Variants in SCFD1 observed in about 807,000 individuals in gnomAD.
The protein encoded by SCFD1 is sec1 family domain-containing protein 1.
In SCFD1, 37 loss-of-function variants were observed where a neutral mutation model predicts 103.2. The ratio of observed to expected loss-of-function variants is 0.36; its 90% CI spans 0.28 to 0.47. The LOEUF (loss-of-function observed/expected upper bound fraction) is 0.47. Ranked by LOEUF, SCFD1 falls within the 20% of genes least tolerant of loss-of-function variation. SCFD1 has a pLI of 1.00. For missense variants in SCFD1, 639 were observed against 761.2 expected, an observed-to-expected ratio of 0.84 and a Z score of 1.89; for synonymous variants, 264 against 245.0, an observed-to-expected ratio of 1.08 and a Z score of -0.73.
At chr14:30,655,483 A>G (rs750610511) in intron 10 of SCFD1, among the ~76,000 whole-genome samples, 1 of 152,212 alleles carries the variant, frequency 6.6e-6, no homozygotes, top group Non-Finnish European at 1.5e-5. Context: ...GGGGAACCAC[A>G]TGGGATTCTA....
At chr14:30,683,073 G>A (rs773281691) in intron 14 of SCFD1, 2 of 1,378,240 alleles carry the variant, frequency 1.5e-6, no homozygotes, top group Non-Finnish European at 2.1e-6. Flanking sequence ...GACCTGTTTT[G>A]AGTAGGTTTC....
chr14:30,663,273 T>C (rs1758982868), intron 10 of SCFD1, among the ~76,000 whole-genome samples: 1 of 152,230 alleles, frequency 6.6e-6, no homozygotes, highest in Non-Finnish European at 1.5e-5. Flanking sequence ...GTCATCACCA[T>C]GGAAATAGTA....
intron 16 of SCFD1, among the ~76,000 whole-genome samples, chr14:30,702,064 C>G (rs1891116839): frequency 6.6e-6 from 1 of 152,100 alleles, no homozygotes; most frequent in African/African-American, 2.4e-5. Context: ...TTTAAAAATA[C>G]TGTACTTTTA....
intron 10 of SCFD1, among the ~76,000 whole-genome samples, chr14:30,658,946 C>G (rs548947833): frequency 6.6e-6 from 1 of 152,214 alleles, no homozygotes; most frequent in East Asian, 1.9e-4. Flanking sequence ...CTCATTTAAT[C>G]CAAGCAAATA....
At chr14:30,651,628 A>G (rs1465482138) in intron 9 of SCFD1, among the ~76,000 whole-genome samples, 1 of 150,358 alleles carries the variant, frequency 6.7e-6, no homozygotes, top group African/African-American at 2.5e-5. Flanking sequence ...TTCCCTTTTT[A>G]TAGCTCTCTG....
intron 23 of SCFD1, among the ~76,000 whole-genome samples, chr14:30,726,201 A>T (rs1336380569): frequency 1.5e-5 from 2 of 130,018 alleles, no homozygotes; most frequent in African/African-American, 6.9e-5. Context: ...TATAACTTTT[A>T]AAAAAATTGC....
chr14:30,734,151 A>G (rs1017339489), intron 23 of SCFD1, among the ~76,000 whole-genome samples: 1 of 152,180 alleles, frequency 6.6e-6, no homozygotes, highest in African/African-American at 2.4e-5. Flanking sequence ...TGAATCCTCA[A>G]ATTACTTTGT....
At chr14:30,716,760 TGTAA>T (rs761363595) in intron 20 of SCFD1, among the ~76,000 whole-genome samples, 6 of 152,202 alleles carry the variant, frequency 3.9e-5, no homozygotes, top group Non-Finnish European at 7.3e-5. Context: ...TCACCTTTTT[TGTAA>T]TTGTCAGAAC....
Position 30,713,897 on chromosome 14 carries a change from C to T in SCFD1, c.1630-2027C>T, listed in dbSNP as rs1353447365. Among the ~76,000 whole-genome samples the T allele has an allele frequency of 2.0e-5, 3 of 152,070 alleles. No homozygotes were observed. In the East Asian group the frequency reaches 5.8e-4, roughly 29 times the overall value. Reference sequence around the variant, plus strand: ...ACTTCATTATCTTTTGTTGGTATTACTTGGAATTCCTAACTATAGTTTTCT... The same window carrying T: ...ACTTCATTATCTTTTGTTGGTATTATTTGGAATTCCTAACTATAGTTTTCT... On this transcript the variant is annotated intron_variant, in intron 19 of 24. Coordinates refer to ENST00000458591, the MANE Select transcript of SCFD1 (RefSeq NM_016106.4).
At chr14:30,680,299 G>A (rs145545289) in intron 14 of SCFD1, among the ~76,000 whole-genome samples, 3 of 152,262 alleles carry the variant, frequency 2.0e-5, no homozygotes, top group African/African-American at 4.8e-5. Context: ...GTTCCCCAGA[G>A]AACAGAACTA....
chr14:30,730,113 G>T (rs1893343889), intron 23 of SCFD1, among the ~76,000 whole-genome samples: 1 of 152,100 alleles, frequency 6.6e-6, no homozygotes. Flanking sequence ...GCAGTGTTTG[G>T]TTTTTTGTTC....
intron 6 of SCFD1, among the ~76,000 whole-genome samples, chr14:30,641,556 G>A (rs761274836): frequency 4.6e-5 from 7 of 152,224 alleles, no homozygotes; most frequent in Non-Finnish European, 1.0e-4. Context: ...CAGATCACTT[G>A]TGCCACTGAT....
intron 14 of SCFD1, 21 bp from the exon 15 acceptor site, chr14:30,694,752 C>G (rs754097136): frequency 6.4e-5 from 100 of 1,569,058 alleles, no homozygotes; most frequent in Non-Finnish European, 7.8e-5. Context: ...ATATTCTCAT[C>G]TAATGTTTAT....
At chr14:30,628,449 A>T (rs530609542) in intron 2 of SCFD1, among the ~76,000 whole-genome samples, 170 bp downstream of exon 2, 2 of 152,340 alleles carry the variant, frequency 1.3e-5, no homozygotes, top group African/African-American at 4.8e-5. Flanking sequence ...CAGACATTCT[A>T]TGGAGTGAGA....
chr14:30,656,721 T>C, intron 10 of SCFD1, among the ~76,000 whole-genome samples: 1 of 151,718 alleles, frequency 6.6e-6, no homozygotes, highest in Non-Finnish European at 1.5e-5. Context: ...TCCAGTGGTA[T>C]GAGCTGTGAG....
intron 7 of SCFD1, among the ~76,000 whole-genome samples, chr14:30,648,928 A>G (rs1439340838): frequency 6.7e-6 from 1 of 148,924 alleles, no homozygotes; most frequent in African/African-American, 2.5e-5. Flanking sequence ...TGACTGCACC[A>G]CTACACTCCA....
chr14:30,730,468 C>T (rs1458195365), intron 23 of SCFD1, among the ~76,000 whole-genome samples: 1 of 152,202 alleles, frequency 6.6e-6, no homozygotes, highest in East Asian at 1.9e-4. Context: ...AGTTTACAGT[C>T]CCACCAACAG....
rs560705030 is a variant in SCFD1 at position 30,690,655 on chromosome 14, C to T, written c.1243-4118C>T. On this transcript the variant is annotated intron_variant, in intron 14 of 24. Transcript: ENST00000458591. ...GCGCTTCCCAGGTGAGGCAATGCCT[C>T]GCCCTGCTTCGGCTCGCGCACGGTG... Among the ~76,000 whole-genome samples, 18 of 147,266 alleles carry T rather than the reference C, an allele frequency of 1.2e-4. No homozygotes were observed. In the East Asian group the frequency reaches 2.9e-3, roughly 23 times the overall value.
intron 7 of SCFD1, among the ~76,000 whole-genome samples, 184 bp from the exon 8 acceptor site, chr14:30,649,344 C>T (rs1230623328): frequency 6.6e-6 from 1 of 151,824 alleles, no homozygotes; most frequent in South Asian, 2.1e-4. Context: ...GTACTTGTAC[C>T]CCCTAAATAT....
Sources: gnomAD v4.1 joint callset for allele counts (sites outside exome capture counted in the v4.1 genomes callset) on GRCh38, gnomAD v4.1.1 for gene constraint, MANE v1.5 for transcripts, NCBI Gene and HGNC (gene_info 2026-07-23, HGNC 2026-07-21) for gene names.